FAM222A: variants seen among roughly 807,000 people sequenced by gnomAD.
The protein encoded by FAM222A is protein FAM222A.
FAM222A carries 7 observed loss-of-function variants against 25.8 expected under a neutral mutation model. The observed-to-expected ratio is 0.27, with a 90% confidence interval of 0.15 to 0.51. The LOEUF (loss-of-function observed/expected upper bound fraction) is 0.51, where lower values mean the gene tolerates loss of function less well. FAM222A is among the 20% of genes least tolerant of loss of function. FAM222A has a pLI of 0.97. For missense variants in FAM222A, 573 were observed against 640.5 expected, an observed-to-expected ratio of 0.89 and a Z score of 1.14; for synonymous variants, 294 against 298.8, an observed-to-expected ratio of 0.98 and a Z score of 0.17.
rs541422684 is a variant in FAM222A, at chr12:109,755,372, G to GCGCAATCTCGGCTCAC, written c.82+11166_82+11181dup. ...TTGTTACCCAGGCTGGAGTGTAATG[G>GCGCAATCTCGGCTCAC]CGCAATCTCGGCTCACCGCAATCTC... is the stretch of plus-strand genomic sequence containing the variant. On this transcript the variant is annotated intron_variant, in intron 2 of 2. Coordinates refer to ENST00000538780, the MANE Select transcript of FAM222A (RefSeq NM_032829.3). Among the ~76,000 whole-genome samples the GCGCAATCTCGGCTCAC allele has an allele frequency of 7.9e-4, 98 of 124,190 alleles. 1 individual carries two copies. Among genetic ancestry groups the GCGCAATCTCGGCTCAC allele is most frequent in the African/African-American group, 2.5e-3 (82 of 32,566 alleles). 81.5% of individuals were successfully genotyped at this position (124,190 alleles called of 152,430 possible). A position where few individuals can be genotyped will look rare whatever the true frequency, so the allele number is the denominator to read the frequency against.
intron 1 of FAM222A, among the ~76,000 whole-genome samples, chr12:109,723,068 G>A (rs922158644): frequency 1.3e-5 from 2 of 152,060 alleles, no homozygotes; most frequent in South Asian, 2.1e-4. Flanking sequence ...GCGATCTCAG[G>A]ATTTCCCAAA....
intron 2 of FAM222A, among the ~76,000 whole-genome samples, chr12:109,761,599 G>A (rs1198439660): frequency 6.6e-6 from 1 of 152,210 alleles, no homozygotes. Context: ...CGAGGGTGTA[G>A]TAAGTTACAG....
At chr12:109,750,224 T>C (rs921925846) in intron 2 of FAM222A, among the ~76,000 whole-genome samples, 6 of 152,276 alleles carry the variant, frequency 3.9e-5, no homozygotes, top group African/African-American at 1.4e-4. Flanking sequence ...CTTAGAATAG[T>C]ATCTGTTATT....
At chr12:109,765,192 C>T (rs1196486441) in intron 2 of FAM222A, among the ~76,000 whole-genome samples, 1 of 152,262 alleles carries the variant, frequency 6.6e-6, no homozygotes, top group African/African-American at 2.4e-5. Context: ...GGCCTCTCCC[C>T]CTTTGGCCCT....
intron 1 of FAM222A, among the ~76,000 whole-genome samples, chr12:109,716,571 G>A (rs1887649597): frequency 6.6e-6 from 1 of 152,342 alleles, no homozygotes; most frequent in South Asian, 2.1e-4. Context: ...CAAGGACAGA[G>A]GAGCAACAGC....
intron 2 of FAM222A, among the ~76,000 whole-genome samples, chr12:109,747,834 G>A (rs1440479059): frequency 6.6e-6 from 1 of 152,140 alleles, no homozygotes; most frequent in Non-Finnish European, 1.5e-5. Flanking sequence ...GGGTTTTCCA[G>A]TTATACTATC....
rs141390826 is a variant in FAM222A at position 109,729,924 on chromosome 12, A to G, written c.-46-14177A>G. On this transcript the variant is annotated intron_variant, in intron 1 of 2. Transcript: ENST00000538780. ...GCCCCTTTCTACAGATGGGGCAGCT[A>G]GCTGACCTGCCTGAGGCTGCACAGC... Among the ~76,000 whole-genome samples the G allele has an allele frequency of 3.5e-3, 532 of 152,374 alleles. 1 individual carries two copies. The highest frequency in any genetic ancestry group is 6.0e-3 in the Non-Finnish European group (410 of 68,038).
At chr12:109,740,592 G>A (rs1177391336) in intron 1 of FAM222A, among the ~76,000 whole-genome samples, 3 of 152,154 alleles carry the variant, frequency 2.0e-5, no homozygotes, top group African/African-American at 7.2e-5. Context: ...GAGTGTTTTA[G>A]GCACATGCCC....
At chr12:109,759,175 C>G (rs1383259576) in intron 2 of FAM222A, among the ~76,000 whole-genome samples, 1 of 152,206 alleles carries the variant, frequency 6.6e-6, no homozygotes, top group East Asian at 1.9e-4. Flanking sequence ...CCACTCCCAG[C>G]TCCTTGGACA....
chr12:109,769,385 AC>A lies in FAM222A; in HGVS notation c.*100del. 1 of 1,386,030 alleles carries A rather than the reference AC, an allele frequency of 7.2e-7. No homozygotes were observed. The highest frequency in any genetic ancestry group is 9.6e-7 in the Non-Finnish European group (1 of 1,041,418). 85.9% of individuals were successfully genotyped at this position (1,386,030 alleles called of 1,614,324 possible). ...GCGGCTCGCAGGGGCGCTCAGCCCC[AC>A]CCTGTGCCTGCTGATGCCCACAGGG... On this transcript the variant is annotated 3_prime_UTR_variant, in exon 3 of 3. Transcript: ENST00000538780.
Position 109,768,828 on chromosome 12 carries a change from TGCGTGCCTACAGTG to T in FAM222A, c.901_914del (p.Arg301GlufsTer9). ...CCGCCCCCACCGCCGCCCCAGCCAC[TGCGTGCCTACAGTG>T]GGAGCACGGTGGCCAGCAAGTCCCC... On this transcript the variant is annotated frameshift_variant, in exon 3 of 3. Transcript: ENST00000538780. LOFTEE classifies it high-confidence loss of function. The T allele has an allele frequency of 1.3e-6, 2 of 1,578,304 alleles. No homozygotes were observed. Among genetic ancestry groups the T allele is most frequent in the Non-Finnish European group, 1.7e-6 (2 of 1,168,730 alleles).
intron 1 of FAM222A, among the ~76,000 whole-genome samples, chr12:109,725,633 G>GCAC (rs1426459153): frequency 6.6e-6 from 1 of 152,010 alleles, no homozygotes; most frequent in Non-Finnish European, 1.5e-5. Flanking sequence ...ACCAGGCCAG[G>GCAC]CACCAGGCAG....
chr12:109,767,353 C>T (rs1889083826), intron 2 of FAM222A, among the ~76,000 whole-genome samples: 1 of 152,030 alleles, frequency 6.6e-6, no homozygotes, highest in African/African-American at 2.4e-5. Flanking sequence ...CGTGGCGCAA[C>T]CCCGTCTCTG....
At chr12:109,729,720 G>A (rs1361357558) in intron 1 of FAM222A, among the ~76,000 whole-genome samples, 1 of 152,232 alleles carries the variant, frequency 6.6e-6, no homozygotes, top group Admixed American at 6.5e-5. Context: ...CCTGGGCCTG[G>A]CACCCACCTG....
chr12:109,737,996 G>A (rs1386289388), intron 1 of FAM222A, among the ~76,000 whole-genome samples: 1 of 152,094 alleles, frequency 6.6e-6, no homozygotes, highest in East Asian at 1.9e-4. Context: ...AGGGAAGAGG[G>A]GTCAGGAAGG....
At chr12:109,758,337 T>C (rs1014298730) in intron 2 of FAM222A, among the ~76,000 whole-genome samples, 1 of 152,232 alleles carries the variant, frequency 6.6e-6, no homozygotes, top group Non-Finnish European at 1.5e-5. Context: ...CAGCCTTTTC[T>C]GAGCACCTGT....
At chr12:109,720,239 G>A (rs1474981353) in intron 1 of FAM222A, 11 of 963,096 alleles carry the variant, frequency 1.1e-5, no homozygotes, top group Non-Finnish European at 1.4e-5. Flanking sequence ...CAAAGGCCTG[G>A]GAGGTCAGGG....
rs886474544 is a variant in FAM222A, at chr12:109,719,551, ACAGGGCTGGAG to A, written c.-47+4666_-47+4676del. On this transcript the variant is annotated intron_variant, in intron 1 of 2. Transcript: ENST00000538780. ...AGTCTGCAGTTAACTGGAATTCTAG[ACAGGGCTGGAG>A]CAGGGCTGGAGGAGGGAAAACCTGC... 5.9e-5 allele frequency among the ~76,000 whole-genome samples: 9 copies of A among 152,148 alleles called. No individual in the cohort carries two copies. The South Asian group carries it at 1.0e-3, about 18-fold the overall frequency.
At chr12:109,766,658 A>G (rs1243989064) in intron 2 of FAM222A, among the ~76,000 whole-genome samples, 2 of 152,208 alleles carry the variant, frequency 1.3e-5, no homozygotes, top group African/African-American at 2.4e-5. Context: ...GAAGGAAGGA[A>G]TGTCCCCCAG....
Sources: gnomAD v4.1 joint callset for allele counts (sites outside exome capture counted in the v4.1 genomes callset) on GRCh38, gnomAD v4.1.1 for gene constraint, MANE v1.5 for transcripts, NCBI Gene and HGNC (gene_info 2026-07-23, HGNC 2026-07-21) for gene names.